ENAM: variants seen among roughly 807,000 people sequenced by gnomAD.
ENAM encodes the protein amelogenesis imperfecta 2, hypocalcification (autosomal dominant).
ENAM carries 21 observed loss-of-function variants against 33.6 expected under a neutral mutation model. The ratio of observed to expected loss-of-function variants is 0.63; its 90% CI spans 0.44 to 0.90. The LOEUF is 0.90. ENAM is among the 40% of genes least tolerant of loss of function. The probability of loss-of-function intolerance (pLI) is 0.00; values close to 1 mark genes in which losing one functional copy is unlikely to be tolerated. For synonymous variants in ENAM, 473 were observed against 468.4 expected (o/e 1.01, Z -0.13); for missense variants, 1,388 against 1,366.9 (o/e 1.02, Z -0.24).
At chr4:70,629,590 G>T (rs1384006308) in intron 2 of ENAM, 36 bp downstream of exon 2, 1 of 1,473,332 alleles carries the variant, frequency 6.8e-7, no homozygotes, top group East Asian at 2.3e-5. Context: ...AATACATACA[G>T]GTTCTCAAAC....
chr4:70,641,973 G>A, intron 8 of ENAM, 42 bp from the exon 9 acceptor site: 1 of 1,471,372 alleles, frequency 6.8e-7, no homozygotes, highest in Non-Finnish European at 9.5e-7. Flanking sequence ...ACCATGGTGG[G>A]AAACAAAGGG....
At position 70,641,534 on chromosome 4, in the gene ENAM, C is replaced by T. The variant is rs528197539; in HGVS notation, c.589-481C>T. Reference sequence around the variant, plus strand: ...TCCTGAGTAACTGGGACTACAGGTGCGTGCACCACCATGCCCAGCTAATTT... The same window carrying T: ...TCCTGAGTAACTGGGACTACAGGTGTGTGCACCACCATGCCCAGCTAATTT... On this transcript the variant is annotated intron_variant, in intron 8 of 8. Transcript: ENST00000396073. Among the ~76,000 whole-genome samples the T allele has an allele frequency of 2.6e-3, 398 of 151,820 alleles. 3 individuals are homozygous for T. The highest frequency in any genetic ancestry group is 9.1e-3 in the African/African-American group (375 of 41,406).
rs975384784 is a variant in ENAM at position 70,646,413 on chromosome 4, G to A, written c.*1558G>A. 8 of 152,152 alleles carry A rather than the reference G, an allele frequency of 5.3e-5. No homozygotes were observed. Among genetic ancestry groups the A allele is most frequent in the African/African-American group, 1.7e-4 (7 of 41,430 alleles). 9.4% of individuals were successfully genotyped at this position (152,152 alleles called of 1,614,324 possible). On this transcript the variant is annotated 3_prime_UTR_variant, in exon 9 of 9. Coordinates refer to ENST00000396073, the MANE Select transcript of ENAM (RefSeq NM_031889.3). The stretch of plus-strand genomic sequence containing the variant: ...TCTCAAAAATTTGGGGAAACACAAC[G>A]TTGAAAACTTCCTAAGAAAAGGAAT...
At chr4:70,635,984 GAATACCA>G (rs1738442971) in intron 7 of ENAM, 90 bp downstream of exon 7, 3 of 710,914 alleles carry the variant, frequency 4.2e-6, no homozygotes, top group Admixed American at 4.4e-5. Context: ...CATTCTAATG[GAATACCA>G]TATACCAATC....
chr4:70,637,600 G>T, intron 7 of ENAM, 190 bp from the exon 8 acceptor site: 1 of 623,886 alleles, frequency 1.6e-6, no homozygotes, highest in Admixed American at 2.6e-5. Context: ...GTATTTACCA[G>T]TATTCACTGT....
intron 7 of ENAM, 51 bp downstream of exon 7, chr4:70,635,945 G>C: frequency 1.0e-6 from 1 of 953,228 alleles, no homozygotes; most frequent in Non-Finnish European, 1.7e-6. Flanking sequence ...ATATTAGTAT[G>C]TTATAATTTA....
intron 6 of ENAM, 129 bp downstream of exon 6, chr4:70,634,697 A>AGTTTTGGATGCATG: frequency 1.1e-6 from 1 of 926,786 alleles, no homozygotes; most frequent in Non-Finnish European, 1.7e-6. Flanking sequence ...TTTGACATGC[A>AGTTTTGGATGCATG]TCCAAAACTG....
chr4:70,631,539 C>T, intron 2 of ENAM, 131 bp from the exon 3 acceptor site: 1 of 719,810 alleles, frequency 1.4e-6, no homozygotes, highest in Non-Finnish European at 2.5e-6. Context: ...TAAAATAAAA[C>T]TGGCAGCAGG....
rs1386714977 is a variant in ENAM at position 70,646,777 on chromosome 4, G to A, written c.*1922G>A. 1 of 152,116 alleles carries A rather than the reference G, an allele frequency of 6.6e-6. No homozygotes were observed. The highest frequency in any genetic ancestry group is 2.4e-5 in the African/African-American group (1 of 41,420). 9.4% of individuals were successfully genotyped at this position (152,116 alleles called of 1,614,324 possible). On this transcript the variant is annotated 3_prime_UTR_variant, in exon 9 of 9. Transcript: ENST00000396073. ...TCATTAACTTATTCTGTATAAAACTGTCTTTTAAGAATTATCCTTTCAAAA... is the reference window on the plus strand; with the variant it reads ...TCATTAACTTATTCTGTATAAAACTATCTTTTAAGAATTATCCTTTCAAAA...
Position 70,635,602 on chromosome 4 carries a change from T to C in ENAM, c.472-230T>C, listed in dbSNP as rs556552434. Among the ~76,000 whole-genome samples the C allele has an allele frequency of 3.3e-5, 5 of 152,326 alleles. No homozygotes were observed. In the East Asian group the frequency reaches 5.8e-4, roughly 18 times the overall value. On this transcript the variant is annotated intron_variant, in intron 6 of 8. Coordinates refer to ENST00000396073, the MANE Select transcript of ENAM (RefSeq NM_031889.3). ...ATAGTTTATATCTTCTATGGTTATATGAGGATGAAATGAGTTTAACAATAT... is the reference window on the plus strand; with the variant it reads ...ATAGTTTATATCTTCTATGGTTATACGAGGATGAAATGAGTTTAACAATAT...
Position 70,646,373 on chromosome 4 carries a change from G to T in ENAM, c.*1518G>T, listed in dbSNP as rs1019644109. 2.6e-5 allele frequency: 4 copies of T among 152,160 alleles called. No individual in the cohort carries two copies. Among genetic ancestry groups the T allele is most frequent in the Non-Finnish European group, 5.9e-5 (4 of 68,026 alleles). The allele number at this position is 152,160 out of a possible 1,614,324, so 9.4% of individuals were successfully genotyped here. On this transcript the variant is annotated 3_prime_UTR_variant, in exon 9 of 9. Coordinates refer to ENST00000396073, the MANE Select transcript of ENAM (RefSeq NM_031889.3). ...TTCTTAGGATACATCTTCAGGGGCAGATTTCATAACAACATCTCAAAAATT... is the reference window on the plus strand; with the variant it reads ...TTCTTAGGATACATCTTCAGGGGCATATTTCATAACAACATCTCAAAAATT...
Position 70,644,009 on chromosome 4 carries a change from A to G in ENAM, c.2583A>G (p.Lys861=). The G allele has an allele frequency of 6.2e-7, 1 of 1,614,200 alleles. No individual in the cohort carries two copies. ...CACCAAGTTACCCATCAGGTCAAAA[A>G]GAAGCACATTTATTTCACCTAAGCC... ...FIPPSYPSGQ[K]EAHLFHLSQR... is the part of the protein sequence containing the mutation. Residue 861 remains lysine (K), a synonymous_variant, in exon 9 of 9, where the codon AAA becomes AAG. Transcript: ENST00000396073.
chr4:70,642,486 C>G lies in ENAM; in HGVS notation c.1060C>G (p.Gln354Glu), dbSNP rs1329873260. The change falls in exon 9 of 9, where the codon CAA (glutamine) becomes GAA (glutamate). Residue 354 changes from glutamine to glutamate, a missense_variant. Coordinates refer to ENST00000396073, the MANE Select transcript of ENAM (RefSeq NM_031889.3). The stretch of plus-strand genomic sequence containing the variant: ...GAATAGGCCTTTTTACAGAAATCAA[C>G]AAGTTCAAAGGGGTCCTCGGTGGAA... The part of the protein sequence containing the change: ...RQNRPFYRNQ[Q>E]VQRGPRWNFF... 2 of 1,614,112 alleles carry G rather than the reference C, an allele frequency of 1.2e-6. No individual in the cohort carries two copies. Among genetic ancestry groups the G allele is most frequent in the Admixed American group, 3.3e-5 (2 of 60,006 alleles).
rs144632406 is a variant in ENAM, at chr4:70,631,890, G to A, written c.165G>A (p.Glu55=). 13 of 1,613,480 alleles carry A rather than the reference G, an allele frequency of 8.1e-6. No individual in the cohort carries two copies. Among genetic ancestry groups the A allele is most frequent in the African/African-American group, 1.3e-5 (1 of 74,914 alleles). ...TGCCTGGATTTAGCAGTAAAAGTGA[G>A]GAGGTATGTACGTTCAGTCTCAGAG... The part of the protein sequence containing the change: ...PRMPGFSSKS[E]EMMRYNQFNF... Residue 55 remains glutamate, a synonymous_variant, in exon 4 of 9, where the codon GAG becomes GAA. Coordinates refer to ENST00000396073, the MANE Select transcript of ENAM (RefSeq NM_031889.3).
Position 70,643,866 on chromosome 4 carries a change from C to G in ENAM, c.2440C>G (p.Pro814Ala), listed in dbSNP as rs1286151704. The G allele has an allele frequency of 2.5e-6, 4 of 1,614,036 alleles. No individual in the cohort carries two copies. Among genetic ancestry groups the G allele is most frequent in the East Asian group, 2.2e-5 (1 of 44,886 alleles). The change falls in exon 9 of 9, where the codon CCA becomes GCA. Residue 814 changes from proline to alanine, a missense_variant. Coordinates refer to ENST00000396073, the MANE Select transcript of ENAM (RefSeq NM_031889.3). ...KGNQPYYSNT[P>A]AGLQKNPIWH... ...TAACCAGCCCTATTACAGTAACACC[C>G]CAGCTGGGCTTCAGAAAAATCCAAT... is the stretch of plus-strand genomic sequence containing the variant.
At chr4:70,631,981 T>C (rs1223799407) in intron 4 of ENAM, 88 bp downstream of exon 4, 2 of 1,138,176 alleles carry the variant, frequency 1.8e-6, no homozygotes, top group Admixed American at 1.7e-5. Flanking sequence ...AATTGTCTCA[T>C]ATATAATATT....
Position 70,645,463 on chromosome 4 carries a change from A to G in ENAM, c.*608A>G, listed in dbSNP as rs367916166. On this transcript the variant is annotated 3_prime_UTR_variant, in exon 9 of 9. Transcript: ENST00000396073. ...AATCCTCATCTTTTTCTCTCTGTAT[A>G]TCACTTCTTACATATTAAATTAGCT... The G allele has an allele frequency of 1.3e-5, 2 of 152,396 alleles. No homozygotes were observed. Among genetic ancestry groups the G allele is most frequent in the South Asian group, 2.1e-4 (1 of 4,874 alleles). 9.4% of individuals were successfully genotyped at this position (152,396 alleles called of 1,614,324 possible).
At chr4:70,636,069 C>T (rs527603692) in intron 7 of ENAM, among the ~76,000 whole-genome samples, 175 bp downstream of exon 7, 1 of 152,132 alleles carries the variant, frequency 6.6e-6, no homozygotes, top group Admixed American at 6.5e-5. Context: ...TTTTGAATTT[C>T]ATACTCAGAC....
Position 70,644,113 on chromosome 4 carries a change from A to G in ENAM, c.2687A>G (p.Tyr896Cys). 1.9e-6 allele frequency: 3 copies of G among 1,614,080 alleles called. No individual in the cohort carries two copies. Among genetic ancestry groups the G allele is most frequent in the Non-Finnish European group, 2.5e-6 (3 of 1,179,992 alleles). The stretch of plus-strand genomic sequence containing the variant: ...GCTCTACAAGACTACACTCCATCCT[A>G]TGGTCTTGCACCTGGGGAGAACCAA... ...PLALQDYTPS[Y>C]GLAPGENQDT... Residue 896 changes from tyrosine (Y) to cysteine (C), a missense_variant, in exon 9 of 9, where the codon TAT becomes TGT. By Grantham distance (194) the Tyr-to-Cys change is radical. Coordinates refer to ENST00000396073, the MANE Select transcript of ENAM (RefSeq NM_031889.3).
Sources: allele counts gnomAD v4.1 joint callset (sites outside exome capture counted in the v4.1 genomes callset), GRCh38; gene constraint gnomAD v4.1.1; transcripts MANE v1.5; gene names NCBI Gene and HGNC (gene_info 2026-07-23, HGNC 2026-07-21).